HERC1: variants seen among roughly 807,000 people sequenced by gnomAD.
HERC1 encodes the protein probable E3 ubiquitin-protein ligase HERC1.
A neutral mutation model predicts 554.3 loss-of-function variants in HERC1; 160 were observed. The observed-to-expected ratio is 0.29, with a 90% CI of 0.25 to 0.33. The LOEUF (loss-of-function observed/expected upper bound fraction) is 0.33. Ranked by LOEUF, HERC1 falls within the 10% of genes least tolerant of loss-of-function variation. The probability of loss-of-function intolerance (pLI) is 1.00; values close to 1 mark genes in which losing one functional copy is unlikely to be tolerated. For missense variants in HERC1, 4,919 were observed against 5,918.5 expected, an observed-to-expected ratio of 0.83 and a Z score of 5.54; for synonymous variants, 2,175 against 2,131.7, an observed-to-expected ratio of 1.02 and a Z score of -0.56.
chr15:63,814,659 G>A (rs1206864345), intron 1 of HERC1, among the ~76,000 whole-genome samples: 3 of 152,150 alleles, frequency 2.0e-5, no homozygotes, highest in African/African-American at 7.2e-5. Flanking sequence ...AGTAGAGACA[G>A]GGTTTTGCCA....
At chr15:63,821,554 C>CAA (rs35580549) in intron 1 of HERC1, among the ~76,000 whole-genome samples, 884 of 62,298 alleles carry the variant, frequency 0.014, 18 homozygotes, top group African/African-American at 0.051. Context: ...GACTCTGTCT[C>CAA]AAAAAAAAAA....
chr15:63,787,436 C>T (rs1420370325), intron 1 of HERC1, among the ~76,000 whole-genome samples: 2 of 152,092 alleles, frequency 1.3e-5, no homozygotes, highest in Non-Finnish European at 2.9e-5. Flanking sequence ...GAATTTCAGG[C>T]ATGAGCCGCC....
chr15:63,775,375 A>C lies in HERC1; in HGVS notation c.249T>G (p.Leu83=). Reference sequence around the variant, plus strand: ...TCTTTGCCAATGCTAGCTGGCTGCTAAGAAGGGCATCCAAATAGTGGTCCT... The same window carrying C: ...TCTTTGCCAATGCTAGCTGGCTGCTCAGAAGGGCATCCAAATAGTGGTCCT... The part of the protein sequence containing the change: ...DEQDHYLDAL[L]SSQLALAKMV... The change falls in exon 2 of 78, where the codon CTT becomes CTG. Residue 83 remains leucine, a synonymous_variant. Transcript: ENST00000443617. This position sits in a 1 kb window ranked among gnomAD's most constrained non-coding sequence, Gnocchi z 4.0. 6.2e-7 allele frequency: 1 copy of C among 1,613,974 alleles called. No individual in the cohort carries two copies. The highest frequency in any genetic ancestry group is 1.1e-5 in the South Asian group (1 of 91,082).
intron 1 of HERC1, among the ~76,000 whole-genome samples, chr15:63,829,561 G>GTATATATATATA (rs60037018): frequency 2.4e-5 from 2 of 81,756 alleles, no homozygotes; most frequent in African/African-American, 5.2e-5. Flanking sequence ...GTGTGTGTGT[G>GTATATATATATA]TATATATATA....
At chr15:63,620,899 G>A (rs2068048152) in intron 74 of HERC1, among the ~76,000 whole-genome samples, 1 of 152,152 alleles carries the variant, frequency 6.6e-6, no homozygotes, top group Non-Finnish European at 1.5e-5. Context: ...CTGCATGTGA[G>A]ATGGGTTTCC....
At chr15:63,805,891 C>G (rs2077122265) in intron 1 of HERC1, among the ~76,000 whole-genome samples, 1 of 151,098 alleles carries the variant, frequency 6.6e-6, no homozygotes, top group Admixed American at 6.6e-5. Context: ...TGCAGCAAGC[C>G]ATGATCATGC....
chr15:63,763,393 C>T (rs1421323128), intron 3 of HERC1, among the ~76,000 whole-genome samples: 7 of 152,100 alleles, frequency 4.6e-5, no homozygotes, highest in East Asian at 3.9e-4. Flanking sequence ...CTGGATCCAG[C>T]TGCCAATTTA....
At chr15:63,657,230 G>C (rs528400702) in intron 48 of HERC1, among the ~76,000 whole-genome samples, 148 of 150,174 alleles carry the variant, frequency 9.9e-4, no homozygotes, top group Non-Finnish European at 1.2e-3. Flanking sequence ...GGTGTGCAAT[G>C]GTATCTCATT....
At chr15:63,660,888 C>CAT (rs1002995522) in intron 46 of HERC1, 85 bp downstream of exon 46, 1 of 846,946 alleles carries the variant, frequency 1.2e-6, no homozygotes, top group African/African-American at 1.7e-5. Flanking sequence ...CACACACACA[C>CAT]GAAGGTGAAT....
At chr15:63,815,747 C>G (rs1178626991) in intron 1 of HERC1, among the ~76,000 whole-genome samples, 1 of 152,118 alleles carries the variant, frequency 6.6e-6, no homozygotes, top group African/African-American at 2.4e-5. Context: ...CGGTCTCATG[C>G]TGCTGTGAAG....
chr15:63,833,368 G>A (rs913398860), intron 1 of HERC1, among the ~76,000 whole-genome samples: 1 of 152,138 alleles, frequency 6.6e-6, no homozygotes, highest in Non-Finnish European at 1.5e-5. Flanking sequence ...GGGACACCGG[G>A]GTCGCGGCAC....
intron 1 of HERC1, among the ~76,000 whole-genome samples, chr15:63,786,809 G>GT (rs1567126301): frequency 3.5e-4 from 53 of 152,166 alleles, no homozygotes; most frequent in African/African-American, 1.3e-3. Context: ...AAAATGTTTT[G>GT]GAACTAGAGA....
At chr15:63,689,822 A>G in intron 32 of HERC1, 123 bp from the exon 33 acceptor site, 1 of 552,124 alleles carries the variant, frequency 1.8e-6, no homozygotes, top group Non-Finnish European at 3.2e-6. Context: ...CCAGTGTTCA[A>G]CAGCTACTTT....
At chr15:63,634,314 G>A (rs1595863954) in intron 66 of HERC1, among the ~76,000 whole-genome samples, 1 of 152,250 alleles carries the variant, frequency 6.6e-6, no homozygotes, top group East Asian at 1.9e-4. Context: ...ATATTTCCTT[G>A]TTAAAGGACA....
intron 1 of HERC1, among the ~76,000 whole-genome samples, chr15:63,827,720 A>T (rs532487085): frequency 6.6e-6 from 1 of 152,350 alleles, no homozygotes; most frequent in South Asian, 2.1e-4. Flanking sequence ...TATTCATAAC[A>T]GCTAAGAAGT....
At position 63,824,087 on chromosome 15, in the gene HERC1, G is replaced by A. The variant is rs543591983; in HGVS notation, c.-27+9740C>T. On this transcript the variant is annotated intron_variant, in intron 1 of 77. Transcript: ENST00000443617. ...CAAATCAAAAAATCAAAACCACAAT[G>A]AGGTATCACCTGACACCTGTGAGGA... Among the ~76,000 whole-genome samples, 4 of 152,210 alleles carry A rather than the reference G, an allele frequency of 2.6e-5. No homozygotes were observed. The East Asian group carries it at 7.7e-4, about 29-fold the overall frequency.
chr15:63,624,064 T>C (rs575340926), intron 72 of HERC1, 94 bp downstream of exon 72: 26 of 1,339,464 alleles, frequency 1.9e-5, no homozygotes, highest in Non-Finnish European at 2.6e-5. Flanking sequence ...TACCCTGCCT[T>C]AGAAGTGAGG....
At chr15:63,654,692 G>A (rs1390396217) in intron 50 of HERC1, among the ~76,000 whole-genome samples, 16 of 137,690 alleles carry the variant, frequency 1.2e-4, no homozygotes, top group African/African-American at 3.4e-4. Flanking sequence ...CATCTCTACT[G>A]AAAATACAAA....
At chr15:63,610,779 C>T (rs1326287301) in intron 77 of HERC1, among the ~76,000 whole-genome samples, 1 of 152,222 alleles carries the variant, frequency 6.6e-6, no homozygotes, top group Non-Finnish European at 1.5e-5. Context: ...GAAGAGGCCC[C>T]ACTTCCCTTA....
Sources: gnomAD v4.1 joint callset for allele counts (sites outside exome capture counted in the v4.1 genomes callset) on GRCh38, gnomAD v4.1.1 for gene constraint, Gnocchi (gnomAD v3.1) non-coding constraint, MANE v1.5 for transcripts, NCBI Gene and HGNC (gene_info 2026-07-23, HGNC 2026-07-21) for gene names.